The following FCGR3A variants were observed in gnomAD, a reference collection of about 807,000 sequenced individuals.
The protein encoded by FCGR3A is low affinity immunoglobulin gamma Fc region receptor III-A.
In FCGR3A, 13 loss-of-function variants were observed where a neutral mutation model predicts 24.1. The ratio of observed to expected loss-of-function variants is 0.54; its 90% CI spans 0.35 to 0.86. FCGR3A has a LOEUF of 0.86. Ranked by LOEUF, FCGR3A falls within the 40% of genes least tolerant of loss-of-function variation. FCGR3A has a pLI of 0.01. For synonymous variants in FCGR3A, 93 were observed against 112.2 expected (o/e 0.83, Z 1.08); for missense variants, 235 against 298.0 (o/e 0.79, Z 1.56).
At chr1:161,549,107 A>G in intron 1 of FCGR3A, 76 bp from the exon 2 acceptor site, 10 of 1,295,032 alleles carry the variant, frequency 7.7e-6, no homozygotes, top group Admixed American at 2.0e-5. Flanking sequence ...TGAGTTTAAA[A>G]CTCCCCTGCC....
At chr1:161,546,747 T>C (rs1266507672) in intron 3 of FCGR3A, among the ~76,000 whole-genome samples, 2 of 151,642 alleles carry the variant, frequency 1.3e-5, no homozygotes, top group Non-Finnish European at 2.9e-5. Context: ...CTACTAAAAA[T>C]ACAAAAAATT....
Position 161,549,035 on chromosome 1 carries a change from C to T in FCGR3A, c.41-4G>A, listed in dbSNP as rs749451617. The T allele has an allele frequency of 6.3e-7, 1 of 1,589,032 alleles. No homozygotes were observed. The highest frequency in any genetic ancestry group is 8.6e-7 in the Non-Finnish European group (1 of 1,159,980). Reference sequence around the variant, plus strand: ...CCAGTCCGCATGCCAGCTGAAACTGCAAGAAAAAAGATAAATCAAATATTG... The same window carrying T: ...CCAGTCCGCATGCCAGCTGAAACTGTAAGAAAAAAGATAAATCAAATATTG... On this transcript the variant is annotated splice_polypyrimidine_tract_variant and splice_region_variant and intron_variant, in intron 1 of 4. Transcript: ENST00000443193.
intron 4 of FCGR3A, among the ~76,000 whole-genome samples, chr1:161,543,760 T>A (rs1677243711): frequency 2.0e-5 from 3 of 152,288 alleles, no homozygotes; most frequent in Admixed American, 2.0e-4. Flanking sequence ...AATTATGGCA[T>A]TGTAGTGTCA....
intron 3 of FCGR3A, among the ~76,000 whole-genome samples, chr1:161,546,570 G>T (rs71632960): frequency 6.6e-6 from 1 of 151,910 alleles, no homozygotes; most frequent in Non-Finnish European, 1.5e-5. Context: ...AAAGGACTGC[G>T]GGGCTGACTA....
chr1:161,548,996 A>T lies in FCGR3A; in HGVS notation c.61+15T>A. On this transcript the variant is annotated intron_variant, in intron 2 of 4. Coordinates refer to ENST00000443193, the MANE Select transcript of FCGR3A (RefSeq NM_000569.8). Reference sequence around the variant, plus strand: ...TGCCCCACTGGGTCAATCCAAGACCATGAAGCTGACTCACCAGTCCGCATG... The same window carrying T: ...TGCCCCACTGGGTCAATCCAAGACCTTGAAGCTGACTCACCAGTCCGCATG... The T allele has an allele frequency of 6.2e-7, 1 of 1,602,958 alleles. No individual in the cohort carries two copies. The highest frequency in any genetic ancestry group is 1.1e-5 in the South Asian group (1 of 90,468).
intron 4 of FCGR3A, among the ~76,000 whole-genome samples, chr1:161,543,819 AT>A (rs1677247259): frequency 6.6e-6 from 1 of 152,258 alleles, no homozygotes; most frequent in East Asian, 1.9e-4. Context: ...ATTGTTTACA[AT>A]TTATGTCTTG....
intron 3 of FCGR3A, among the ~76,000 whole-genome samples, chr1:161,547,399 C>T (rs533004985): frequency 6.6e-5 from 10 of 152,168 alleles, no homozygotes; most frequent in Admixed American, 1.3e-4. Flanking sequence ...ATGGAACAGC[C>T]GTGGAAGTAG....
chr1:161,546,527 A>G (rs1286834710), intron 3 of FCGR3A, among the ~76,000 whole-genome samples: 1 of 152,078 alleles, frequency 6.6e-6, no homozygotes, highest in African/African-American at 2.4e-5. Context: ...TAATCACAAT[A>G]CAATATGACA....
rs368021338 is a variant in FCGR3A at position 161,548,532 on chromosome 1, G to A, written c.208C>T (p.Gln70Ter). The A allele has an allele frequency of 1.1e-4, 172 of 1,613,898 alleles. No individual in the cohort carries two copies. Among genetic ancestry groups the A allele is most frequent in the Non-Finnish European group, 1.3e-4 (153 of 1,179,880 alleles). ...GCGTCAATGAAGTAGCTCGAGGCCT[G>A]GCTTGAGATGAGGCTCTCATTGTGA... The part of the protein sequence containing the change: ...WFHNESLISS[Q>*]ASSYFIDAAT... The change falls in exon 3 of 5, where the codon CAG becomes TAG. Residue 70 changes from glutamine (Q) to a stop codon, truncating the protein, a stop_gained. Transcript: ENST00000443193. LOFTEE classifies it high-confidence loss of function.
intron 3 of FCGR3A, among the ~76,000 whole-genome samples, 199 bp from the exon 4 acceptor site, chr1:161,545,157 GA>G (rs2102523391): frequency 6.6e-6 from 1 of 152,210 alleles, no homozygotes; most frequent in African/African-American, 2.4e-5. Flanking sequence ...GTCTAATGGG[GA>G]AGAGGGACAC....
Position 161,543,104 on chromosome 1 carries a change from G to T in FCGR3A, c.673C>A (p.Leu225Ile). The T allele has an allele frequency of 6.2e-7, 1 of 1,613,350 alleles. No individual in the cohort carries two copies. The highest frequency in any genetic ancestry group is 8.5e-7 in the Non-Finnish European group (1 of 1,179,586). ...MVLLFAVDTGLYFSVKTNIRS... is the reference protein window; with the variant it reads ...MVLLFAVDTGIYFSVKTNIRS... ...ATGTTTGTCTTCACAGAGAAATATA[G>T]TCCTGTGTCCACTGCAAAAAGGAGT... Residue 225 changes from leucine (L) to isoleucine (I), a missense_variant, in exon 5 of 5, where the codon CTA becomes ATA. Transcript: ENST00000443193.
At chr1:161,547,849 C>T (rs1471961085) in intron 3 of FCGR3A, among the ~76,000 whole-genome samples, 10 of 152,300 alleles carry the variant, frequency 6.6e-5, no homozygotes, top group African/African-American at 2.2e-4. Context: ...GCTGGTGAAT[C>T]ACCTGAGGTC....
At chr1:161,550,238 A>C, upstream of FCGR3A, 1 of 434,272 alleles carries the variant, frequency 2.3e-6, no homozygotes, top group Middle Eastern at 5.8e-4. Flanking sequence ...CCCTGCCTGC[A>C]CACAGAAAGT....
At chr1:161,544,091 A>G (rs1466539786) in intron 4 of FCGR3A, among the ~76,000 whole-genome samples, 4 of 152,266 alleles carry the variant, frequency 2.6e-5, no homozygotes, top group African/African-American at 9.6e-5. Context: ...AATATTACCT[A>G]TCTCATGTTG....
In FCGR3A at chr1:161,548,682, AG is replaced by A. The variant is rs1232539476; in HGVS notation, c.62-5del. On this transcript the variant is annotated splice_polypyrimidine_tract_variant and splice_region_variant and intron_variant, in intron 2 of 4. Transcript: ENST00000443193. ...ACCACAGCCTTTGGGAGATCTTCTGAGGAGCCAAGATAATGTGGGGTGAGGA... is the reference window on the plus strand; with the variant it reads ...ACCACAGCCTTTGGGAGATCTTCTGAGAGCCAAGATAATGTGGGGTGAGGA... The A allele has an allele frequency of 6.2e-7, 1 of 1,613,856 alleles. No individual in the cohort carries two copies. Among genetic ancestry groups the A allele is most frequent in the Non-Finnish European group, 8.5e-7 (1 of 1,179,828 alleles).
At chr1:161,549,092 T>C (rs1335178491) in intron 1 of FCGR3A, 61 bp from the exon 2 acceptor site, 19 of 1,462,484 alleles carry the variant, frequency 1.3e-5, no homozygotes, top group Admixed American at 7.4e-5. Flanking sequence ...GATTAGAACA[T>C]AGAGTGAGTT....
intron 3 of FCGR3A, among the ~76,000 whole-genome samples, chr1:161,548,204 G>A (rs57581214): frequency 0.021 from 3,161 of 152,072 alleles, 37 homozygotes; most frequent in African/African-American, 0.073. Flanking sequence ...ATTGTGCAAT[G>A]CAGCAGTCCT....
intron 3 of FCGR3A, among the ~76,000 whole-genome samples, chr1:161,546,645 T>C (rs1677411694): frequency 1.3e-5 from 2 of 151,936 alleles, no homozygotes; most frequent in African/African-American, 4.8e-5. Context: ...GTGGCTCACA[T>C]CTGTAATCCT....
In FCGR3A at chr1:161,542,640, GT is replaced by G. The variant is rs929608794; in HGVS notation, c.*371del. 1.9e-4 allele frequency: 31 copies of G among 167,214 alleles called. No homozygotes were observed. Among genetic ancestry groups the G allele is most frequent in the South Asian group, 6.5e-4 (4 of 6,196 alleles). 10.4% of individuals were successfully genotyped at this position (167,214 alleles called of 1,614,324 possible). A position where few individuals can be genotyped will look rare whatever the true frequency, so the allele number is the denominator to read the frequency against. ...CTTATCCATTTATTTAGGAATAATT[GT>G]TTTTTTTTCCCCTCTAAACTGGGTA... On this transcript the variant is annotated 3_prime_UTR_variant, in exon 5 of 5. Coordinates refer to ENST00000443193, the MANE Select transcript of FCGR3A (RefSeq NM_000569.8).
Sources: gnomAD v4.1 joint callset for allele counts (sites outside exome capture counted in the v4.1 genomes callset) on GRCh38, gnomAD v4.1.1 for gene constraint, MANE v1.5 for transcripts, NCBI Gene and HGNC (gene_info 2026-07-23, HGNC 2026-07-21) for gene names.